Variants in PPP2R3A observed in about 807,000 individuals in gnomAD.
PPP2R3A encodes serine/threonine-protein phosphatase 2A regulatory subunit B'' subunit alpha.
PPP2R3A carries 80 observed loss-of-function variants against 106.9 expected under a neutral mutation model. The ratio of observed to expected loss-of-function variants is 0.75; its 90% CI spans 0.62 to 0.90. The LOEUF is 0.90. Among genes scored for constraint, PPP2R3A ranks in the 40% least tolerant of loss-of-function variants. The probability of loss-of-function intolerance (pLI) is 0.00; values close to 1 mark genes in which losing one functional copy is unlikely to be tolerated. For missense variants in PPP2R3A, 1,386 were observed against 1,350.4 expected (o/e 1.03, Z -0.41); for synonymous variants, 483 against 468.3 (o/e 1.03, Z -0.41).
In PPP2R3A at chr3:136,146,697, A is replaced by C. The variant is rs534703140; in HGVS notation, c.*1531A>C. On this transcript the variant is annotated 3_prime_UTR_variant, in exon 14 of 14. Coordinates refer to ENST00000264977, the MANE Select transcript of PPP2R3A (RefSeq NM_002718.5). ...ATTGCAACTATCTAATAGTTCACAC[A>C]AAAGAATTAAAAGCTTAAAAATAAT... The C allele has an allele frequency of 6.6e-6, 1 of 152,314 alleles. No homozygotes were observed. Among genetic ancestry groups the C allele is most frequent in the Non-Finnish European group, 1.5e-5 (1 of 68,024 alleles). The allele number at this position is 152,314 out of a possible 1,614,324, so 9.4% of individuals were successfully genotyped here.
At chr3:136,060,859 A>G (rs749142179) in intron 5 of PPP2R3A, among the ~76,000 whole-genome samples, 2 of 152,202 alleles carry the variant, frequency 1.3e-5, no homozygotes, top group Admixed American at 6.5e-5. Flanking sequence ...AATGTATCCT[A>G]TTCTTGAAAA....
intron 5 of PPP2R3A, among the ~76,000 whole-genome samples, chr3:136,064,267 T>G (rs1576474207): frequency 1.3e-5 from 1 of 78,054 alleles, no homozygotes; most frequent in Non-Finnish European, 2.3e-5. Context: ...GGGACTGTTG[T>G]GGGGTGGGGG....
rs138833804 is a variant in PPP2R3A at position 136,128,966 on chromosome 3, C to T, written c.3330-16077C>T. On this transcript the variant is annotated intron_variant, in intron 13 of 13. Transcript: ENST00000264977. ...GCAGAAATAAAGATGTTGTTTGAAA[C>T]CAATGAGAACAAAGGCACAACCTAC... is the stretch of plus-strand genomic sequence containing the variant. Among the ~76,000 whole-genome samples the T allele has an allele frequency of 2.1e-3, 312 of 152,186 alleles. 2 individuals are homozygous for T. Among genetic ancestry groups the T allele is most frequent in the African/African-American group, 7.1e-3 (294 of 41,520 alleles).
chr3:136,138,695 A>ATTTTTTTTTTTTTTTTTTTT lies in PPP2R3A; in HGVS notation c.3330-6332_3330-6313dup, dbSNP rs747811648. On this transcript the variant is annotated intron_variant, in intron 13 of 13. Transcript: ENST00000264977. ...AGACTCCAAACTAGAGAAATATTGA[A>ATTTTTTTTTTTTTTTTTTTT]TTTTTTTTTTTTTTTTTTTTTTTTT... 1.8e-4 allele frequency among the ~76,000 whole-genome samples: 9 copies of ATTTTTTTTTTTTTTTTTTTT among 50,638 alleles called. 1 individual carries two copies. The highest frequency in any genetic ancestry group is 3.8e-4 in the Admixed American group (1 of 2,632). 33.2% of individuals were successfully genotyped at this position (50,638 alleles called of 152,430 possible). A position where few individuals can be genotyped will look rare whatever the true frequency, so the allele number is the denominator to read the frequency against.
chr3:136,113,545 T>C (rs1248717613), intron 13 of PPP2R3A, among the ~76,000 whole-genome samples: 2 of 151,968 alleles, frequency 1.3e-5, no homozygotes, highest in Admixed American at 6.6e-5. Context: ...TCCCAGCACT[T>C]TTTGGGAGGC....
chr3:135,999,664 A>G (rs1933543621), intron 1 of PPP2R3A, among the ~76,000 whole-genome samples: 1 of 152,116 alleles, frequency 6.6e-6, no homozygotes, highest in Admixed American at 6.5e-5. Flanking sequence ...AAACTTACTC[A>G]AAGACCTAAA....
At chr3:135,976,195 T>A (rs1299482551) in intron 1 of PPP2R3A, among the ~76,000 whole-genome samples, 1 of 137,520 alleles carries the variant, frequency 7.3e-6, no homozygotes, top group South Asian at 2.3e-4. Context: ...TGGAGCTAAG[T>A]ATAACTGTAA....
chr3:136,134,004 A>G (rs1042466756), intron 13 of PPP2R3A, among the ~76,000 whole-genome samples: 3 of 152,112 alleles, frequency 2.0e-5, no homozygotes, highest in African/African-American at 7.2e-5. Context: ...GCAAGAGCCA[A>G]AAAACTTCAG....
At chr3:136,055,760 T>G in intron 5 of PPP2R3A, 3 of 643,630 alleles carry the variant, frequency 4.7e-6, no homozygotes, top group Non-Finnish European at 8.4e-6. Flanking sequence ...AATGTGGTGA[T>G]GAGAATTTTT....
intron 1 of PPP2R3A, among the ~76,000 whole-genome samples, chr3:135,987,698 G>T (rs1932976633): frequency 6.6e-6 from 1 of 151,860 alleles, no homozygotes. Context: ...GCCATTTTTT[G>T]TCAGTCTCCT....
At chr3:136,019,240 A>G (rs974544457) in intron 2 of PPP2R3A, among the ~76,000 whole-genome samples, 1 of 152,172 alleles carries the variant, frequency 6.6e-6, no homozygotes, top group African/African-American at 2.4e-5. Flanking sequence ...AGGAGAAAAT[A>G]TTTTTTAGTT....
rs1469469327 is a variant in PPP2R3A, at chr3:136,077,225, TG to T, written c.2545-1140del. On this transcript the variant is annotated intron_variant, in intron 6 of 13. Transcript: ENST00000264977. The stretch of plus-strand genomic sequence containing the variant: ...ATAGCAGGGGTGGGGTAGTGAGCGC[TG>T]GACAGCTGAAATCTAGACCTTCATC... Among the ~76,000 whole-genome samples, 11 of 152,264 alleles carry T rather than the reference TG, an allele frequency of 7.2e-5. No homozygotes were observed. The East Asian group carries it at 1.5e-3, about 21-fold the overall frequency.
rs145230206 is a variant in PPP2R3A, at chr3:136,030,802, G to A, written c.2262+3704G>A. 2.6e-3 allele frequency among the ~76,000 whole-genome samples: 353 copies of A among 134,572 alleles called. 3 individuals carry two copies. In the East Asian group the frequency reaches 0.036, roughly 14 times the overall value. 88.3% of individuals were successfully genotyped at this position (134,572 alleles called of 152,430 possible). Reference sequence around the variant, plus strand: ...TATATGTATGTATGTATGTATGTATGTATGTATGTATGTATGTATGTATAC... The same window carrying A: ...TATATGTATGTATGTATGTATGTATATATGTATGTATGTATGTATGTATAC... On this transcript the variant is annotated intron_variant, in intron 3 of 13. Coordinates refer to ENST00000264977, the MANE Select transcript of PPP2R3A (RefSeq NM_002718.5).
chr3:136,090,228 C>G (rs1937061823), intron 9 of PPP2R3A, among the ~76,000 whole-genome samples: 1 of 152,060 alleles, frequency 6.6e-6, no homozygotes, highest in African/African-American at 2.4e-5. Flanking sequence ...ATAATGCTAG[C>G]TATGTGTTTG....
intron 1 of PPP2R3A, among the ~76,000 whole-genome samples, chr3:135,967,813 C>CA (rs1478248839): frequency 1.3e-5 from 2 of 152,192 alleles, no homozygotes; most frequent in African/African-American, 4.8e-5. Context: ...TCCTCTGAGT[C>CA]AGAGTTTCTC....
At chr3:136,077,225 T>C (rs955761985) in intron 6 of PPP2R3A, among the ~76,000 whole-genome samples, 5 of 152,146 alleles carry the variant, frequency 3.3e-5, no homozygotes, top group African/African-American at 1.2e-4. Flanking sequence ...TAGTGAGCGC[T>C]GGACAGCTGA....
At chr3:136,043,247 C>A (rs553817771) in intron 4 of PPP2R3A, among the ~76,000 whole-genome samples, 1 of 152,226 alleles carries the variant, frequency 6.6e-6, no homozygotes, top group East Asian at 1.9e-4. Context: ...ATCCCGAGGT[C>A]AGGAGATCGA....
chr3:136,096,013 C>T (rs958730441), intron 10 of PPP2R3A, among the ~76,000 whole-genome samples: 4 of 152,232 alleles, frequency 2.6e-5, no homozygotes, highest in Admixed American at 2.0e-4. Flanking sequence ...GCTCAGAACA[C>T]ATCTTAGCCT....
chr3:136,018,122 C>G (rs955303610), intron 2 of PPP2R3A, among the ~76,000 whole-genome samples: 1 of 152,088 alleles, frequency 6.6e-6, no homozygotes, highest in African/African-American at 2.4e-5. Context: ...CAAAAATTAG[C>G]TGGGCACAGT....
Sources: allele counts gnomAD v4.1 joint callset (sites outside exome capture counted in the v4.1 genomes callset), GRCh38; gene constraint gnomAD v4.1.1; transcripts MANE v1.5; gene names NCBI Gene and HGNC (gene_info 2026-07-23, HGNC 2026-07-21).